Variants in QSER1 observed in about 807,000 individuals in gnomAD.
The protein encoded by QSER1 is glutamine and serine rich 1.
QSER1 carries 49 observed loss-of-function variants against 158.5 expected under a neutral mutation model. That is an observed-to-expected ratio of 0.31 (90% CI 0.25 to 0.39). The LOEUF (loss-of-function observed/expected upper bound fraction) is 0.39. Among genes scored for constraint, QSER1 ranks in the 10% least tolerant of loss-of-function variants. The pLI is 1.00. For missense variants in QSER1, 1,754 were observed against 2,010.3 expected (o/e 0.87, Z 2.44); for synonymous variants, 650 against 715.5 (o/e 0.91, Z 1.46).
At position 32,934,793 on chromosome 11, in the gene QSER1, C is replaced by T; in HGVS notation, c.3535C>T (p.Gln1179Ter). The T allele has an allele frequency of 6.2e-7, 1 of 1,614,006 alleles. No homozygotes were observed. Among genetic ancestry groups the T allele is most frequent in the Non-Finnish European group, 8.5e-7 (1 of 1,179,994 alleles). The change falls in exon 4 of 13, where the codon CAA becomes TAA. Residue 1179 changes from glutamine (Q) to a stop codon, truncating the protein, a stop_gained. Transcript: ENST00000650167. LOFTEE classifies it high-confidence loss of function. Reference sequence around the variant, plus strand: ...TGCACTTGCACTGTTGGCCATGGCCCAATCTGGGGATGCAGTCAGTGTCAA... The same window carrying T: ...TGCACTTGCACTGTTGGCCATGGCCTAATCTGGGGATGCAGTCAGTGTCAA... ...RSALALLAMA[Q>*]SGDAVSVKIE... is the part of the protein sequence containing the mutation.
intron 11 of QSER1, 82 bp downstream of exon 11, chr11:32,973,631 A>G: frequency 1.5e-6 from 2 of 1,307,724 alleles, no homozygotes; most frequent in Non-Finnish European, 2.1e-6. Flanking sequence ...AAACAAGCAA[A>G]TATTTTACTA....
At chr11:32,931,526 A>G (rs1206478382) in intron 3 of QSER1, among the ~76,000 whole-genome samples, 2 of 151,988 alleles carry the variant, frequency 1.3e-5, no homozygotes, top group Non-Finnish European at 2.9e-5. Flanking sequence ...AGCCTGGGCA[A>G]CAGAGTAAGA....
At chr11:32,948,803 A>G (rs930520094) in intron 4 of QSER1, among the ~76,000 whole-genome samples, 1 of 152,212 alleles carries the variant, frequency 6.6e-6, no homozygotes, top group South Asian at 2.1e-4. Context: ...AGAGATTGGC[A>G]TAATGAAACC....
chr11:32,942,841 A>G (rs1407167703), intron 4 of QSER1, among the ~76,000 whole-genome samples: 2 of 152,000 alleles, frequency 1.3e-5, no homozygotes, highest in Non-Finnish European at 2.9e-5. Context: ...CCATTTTCAC[A>G]ATATTGATTC....
At chr11:32,914,603 A>AT (rs1350072629) in intron 1 of QSER1, among the ~76,000 whole-genome samples, 1 of 152,162 alleles carries the variant, frequency 6.6e-6, no homozygotes, top group African/African-American at 2.4e-5. Context: ...TTGCTAATTG[A>AT]TTTTTAAACC....
chr11:32,933,021 G>T lies in QSER1; in HGVS notation c.1763G>T (p.Ser588Ile). The T allele has an allele frequency of 6.2e-7, 1 of 1,612,372 alleles. No individual in the cohort carries two copies. Residue 588 changes from serine to isoleucine, a missense_variant, in exon 4 of 13, where the codon AGC (serine) becomes ATC (isoleucine). By Grantham distance (142) the Ser-to-Ile change is moderately radical. Transcript: ENST00000650167. ...QVLSVVSLSE[S>I]YASGESLTLT... ...TTGTCAGTTGTTAGTCTTTCAGAAAGCTATGCTTCAGGGGAGTCCCTAACA... is the reference window on the plus strand; with the variant it reads ...TTGTCAGTTGTTAGTCTTTCAGAAATCTATGCTTCAGGGGAGTCCCTAACA...
At position 32,931,853 on chromosome 11, in the gene QSER1, A is replaced by C. The variant is rs757368488; in HGVS notation, c.595A>C (p.Arg199=). ...AYQHPTTFSN[R]NFATTSPLVL... ...TCAGCATCCCACCACCTTCAGCAAT[A>C]GAAACTTTGCTACCACTTCACCTTT... The change falls in exon 4 of 13, where the codon AGA becomes CGA. Residue 199 remains arginine (R), a synonymous_variant. Coordinates refer to ENST00000650167, the MANE Select transcript of QSER1 (RefSeq NM_001076786.3). 6.2e-7 allele frequency: 1 copy of C among 1,614,148 alleles called. No homozygotes were observed. The highest frequency in any genetic ancestry group is 1.1e-5 in the South Asian group (1 of 91,086).
intron 3 of QSER1, among the ~76,000 whole-genome samples, chr11:32,930,829 C>T (rs1346523494): frequency 6.6e-6 from 1 of 151,936 alleles, no homozygotes; most frequent in Non-Finnish European, 1.5e-5. Flanking sequence ...AAGGGTAAAC[C>T]CATTTTTACT....
At chr11:32,920,875 ATTATAAC>A (rs1851891593) in intron 1 of QSER1, among the ~76,000 whole-genome samples, 1 of 152,218 alleles carries the variant, frequency 6.6e-6, no homozygotes, top group African/African-American at 2.4e-5. Flanking sequence ...ATGTTGAGAA[ATTATAAC>A]TTATACTTTG....
At chr11:32,953,314 G>T (rs138264794) in intron 4 of QSER1, among the ~76,000 whole-genome samples, 3 of 150,694 alleles carry the variant, frequency 2.0e-5, no homozygotes, top group Non-Finnish European at 3.0e-5. Flanking sequence ...TTGGTTGGCC[G>T]ACCCTTCCTT....
chr11:32,972,924 C>T (rs1852896589), intron 10 of QSER1, among the ~76,000 whole-genome samples: 1 of 152,208 alleles, frequency 6.6e-6, no homozygotes, highest in South Asian at 2.1e-4. Flanking sequence ...TCACCAGAGG[C>T]AGATGACTTC....
At chr11:32,907,566 A>G (rs1351390947) in intron 1 of QSER1, among the ~76,000 whole-genome samples, 2 of 152,324 alleles carry the variant, frequency 1.3e-5, no homozygotes, top group East Asian at 1.9e-4. Flanking sequence ...TGAAAAAAAC[A>G]TTTCGTAGCA....
Position 32,932,122 on chromosome 11 carries a change from C to T in QSER1, c.864C>T (p.Ser288=). Reference sequence around the variant, plus strand: ...TGTTGCCTTCAGCACTTGGGGGATCCCAGCAGACTCCTCAAGCCTACAGTT... The same window carrying T: ...TGTTGCCTTCAGCACTTGGGGGATCTCAGCAGACTCCTCAAGCCTACAGTT... ...FSLLPSALGG[S]QQTPQAYSST... The change falls in exon 4 of 13, where the codon TCC becomes TCT. Residue 288 remains serine (S), a synonymous_variant. Coordinates refer to ENST00000650167, the MANE Select transcript of QSER1 (RefSeq NM_001076786.3). 6.2e-7 allele frequency: 1 copy of T among 1,614,150 alleles called. No individual in the cohort carries two copies. Among genetic ancestry groups the T allele is most frequent in the Non-Finnish European group, 8.5e-7 (1 of 1,180,022 alleles).
intron 4 of QSER1, among the ~76,000 whole-genome samples, chr11:32,952,134 C>T (rs942357263): frequency 1.3e-5 from 2 of 152,138 alleles, no homozygotes; most frequent in Non-Finnish European, 1.5e-5. Context: ...GCCACTGCGC[C>T]CAGGCCTTGG....
chr11:32,900,937 T>G (rs984536108), intron 1 of QSER1, among the ~76,000 whole-genome samples: 2 of 152,232 alleles, frequency 1.3e-5, no homozygotes, highest in East Asian at 1.9e-4. Context: ...TTTTGTTGAT[T>G]TATATGTATC....
chr11:32,958,816 T>G (rs1312852511), intron 8 of QSER1, among the ~76,000 whole-genome samples: 1 of 152,230 alleles, frequency 6.6e-6, no homozygotes, highest in Non-Finnish European at 1.5e-5. Flanking sequence ...TGCTTACTAC[T>G]ATATATCTGC....
In QSER1 at chr11:32,955,316, A is replaced by G. The variant is rs745708752; in HGVS notation, c.4521A>G (p.Lys1507=). The change falls in exon 6 of 13, where the codon AAA becomes AAG. Residue 1507 remains lysine (K), a synonymous_variant. Transcript: ENST00000650167. ...ETFKEALKTG[K]EPPAIWKVQK... is the part of the protein sequence containing the mutation. ...TACAGGAGGCTTTAAAAACAGGAAA[A>G]GAACCTCCAGCTATTTGGAAAGTAC... 1 of 1,590,128 alleles carries G rather than the reference A, an allele frequency of 6.3e-7. No homozygotes were observed. The highest frequency in any genetic ancestry group is 1.4e-5 in the African/African-American group (1 of 73,624).
rs182708955 is a variant in QSER1 at position 32,917,542 on chromosome 11, A to C, written c.210-9615A>C. Among the ~76,000 whole-genome samples, 323 of 152,148 alleles carry C rather than the reference A, an allele frequency of 2.1e-3. 2 individuals are homozygous for C. Among genetic ancestry groups the C allele is most frequent in the African/African-American group, 7.6e-3 (317 of 41,520 alleles). On this transcript the variant is annotated intron_variant, in intron 1 of 12. Transcript: ENST00000650167. Reference sequence around the variant, plus strand: ...ACAAGATACTAAAAAACCCTATTTTATGGCCAGGTGTGGTGGCTCATGTCT... The same window carrying C: ...ACAAGATACTAAAAAACCCTATTTTCTGGCCAGGTGTGGTGGCTCATGTCT...
intron 1 of QSER1, among the ~76,000 whole-genome samples, chr11:32,904,125 G>C (rs1851659775): frequency 6.6e-6 from 1 of 151,894 alleles, no homozygotes; most frequent in Non-Finnish European, 1.5e-5. Flanking sequence ...ACTCAGGCCA[G>C]TCTAGCCAGG....
Sources: gnomAD v4.1 joint callset for allele counts (sites outside exome capture counted in the v4.1 genomes callset) on GRCh38, gnomAD v4.1.1 for gene constraint, MANE v1.5 for transcripts, NCBI Gene and HGNC (gene_info 2026-07-23, HGNC 2026-07-21) for gene names.